The following CSMD1 variants were observed in gnomAD, a reference collection of about 807,000 sequenced individuals.
The protein encoded by CSMD1 is CUB and Sushi multiple domains 1.
CSMD1 carries 213 observed loss-of-function variants against 417.5 expected under a neutral mutation model. That is an observed-to-expected ratio of 0.51 (90% confidence interval 0.46 to 0.57). CSMD1 has a LOEUF of 0.57. Ranked by LOEUF, CSMD1 falls within the 20% of genes least tolerant of loss-of-function variation. CSMD1 has a pLI of 0.00. For missense variants in CSMD1, 6,923 were observed against 4,529.7 expected, an observed-to-expected ratio of 1.53 and a Z score of -15.17; for synonymous variants, 2,862 against 1,736.8, an observed-to-expected ratio of 1.65 and a Z score of -16.11.
chr8:3,421,387 A>G (rs370972429), intron 12 of CSMD1, among the ~76,000 whole-genome samples: 13 of 152,244 alleles, frequency 8.5e-5, no homozygotes, highest in African/African-American at 3.1e-4. Context: ...GGAATGACCA[A>G]ATGCAAATGA....
At chr8:4,252,279 T>C (rs1057292594) in intron 3 of CSMD1, among the ~76,000 whole-genome samples, 5 of 152,180 alleles carry the variant, frequency 3.3e-5, no homozygotes, top group Admixed American at 6.5e-5. Context: ...TTCCTGTGAG[T>C]TGTCTTCTGT....
intron 3 of CSMD1, among the ~76,000 whole-genome samples, chr8:4,150,999 A>T (rs1796545215): frequency 6.6e-6 from 1 of 152,164 alleles, no homozygotes; most frequent in Non-Finnish European, 1.5e-5. Context: ...ATTTTGGAGA[A>T]ATGATGCAAG....
At chr8:3,249,342 C>A (rs1299528971) in intron 26 of CSMD1, among the ~76,000 whole-genome samples, 2 of 152,118 alleles carry the variant, frequency 1.3e-5, no homozygotes, top group East Asian at 1.9e-4. Context: ...AATGCCTCAG[C>A]CACCCGAGGA....
At chr8:3,354,059 A>C (rs1808583028) in intron 21 of CSMD1, among the ~76,000 whole-genome samples, 3 of 152,196 alleles carry the variant, frequency 2.0e-5, no homozygotes, top group Non-Finnish European at 4.4e-5. Flanking sequence ...CATTAACCAA[A>C]ATGTCTGTAT....
At chr8:3,292,203 A>C (rs200135258) in intron 25 of CSMD1, among the ~76,000 whole-genome samples, 2 of 152,096 alleles carry the variant, frequency 1.3e-5, no homozygotes, top group Non-Finnish European at 2.9e-5. Context: ...AGTTTGTTGT[A>C]ATTTCTGTTC....
chr8:4,282,691 C>G (rs895659132), intron 3 of CSMD1, among the ~76,000 whole-genome samples: 1 of 152,158 alleles, frequency 6.6e-6, no homozygotes, highest in Non-Finnish European at 1.5e-5. Context: ...TTGGCTGTGA[C>G]AGCATCCTAA....
At chr8:2,985,543 G>C (rs1181678051) in intron 54 of CSMD1, among the ~76,000 whole-genome samples, 1 of 152,140 alleles carries the variant, frequency 6.6e-6, no homozygotes, top group East Asian at 1.9e-4. Flanking sequence ...ACAATGCATA[G>C]GCAATATATA....
intron 9 of CSMD1, among the ~76,000 whole-genome samples, chr8:3,583,027 A>G (rs1389766298): frequency 5.3e-5 from 8 of 152,134 alleles, no homozygotes; most frequent in Admixed American, 6.6e-5. Flanking sequence ...GAAGTCTTCA[A>G]AGAGGGCTTA....
chr8:3,916,887 A>C (rs1232519258), intron 5 of CSMD1, among the ~76,000 whole-genome samples: 2 of 148,028 alleles, frequency 1.4e-5, no homozygotes, highest in Non-Finnish European at 3.0e-5. Context: ...CTAGCTGGTC[A>C]TGAAACAGAA....
intron 2 of CSMD1, among the ~76,000 whole-genome samples, chr8:4,536,469 C>G (rs1212176185): frequency 2.0e-5 from 3 of 151,988 alleles, no homozygotes; most frequent in Non-Finnish European, 4.4e-5. Flanking sequence ...TAGGTGCATC[C>G]TTCTTGTACT....
At chr8:3,015,689 T>G (rs1056227510) in intron 52 of CSMD1, among the ~76,000 whole-genome samples, 1 of 151,890 alleles carries the variant, frequency 6.6e-6, no homozygotes, top group African/African-American at 2.4e-5. Context: ...CCCGGCATGG[T>G]CCAGATGAGC....
intron 2 of CSMD1, among the ~76,000 whole-genome samples, chr8:4,571,430 T>G (rs940419638): frequency 1.3e-5 from 2 of 152,196 alleles, no homozygotes; most frequent in South Asian, 2.1e-4. Context: ...AGGTTATCAG[T>G]TTCCATGTAG....
chr8:4,078,941 ATG>A (rs71205415), intron 3 of CSMD1, among the ~76,000 whole-genome samples: 667 of 13,372 alleles, frequency 0.05, 2 homozygotes, highest in Non-Finnish European at 0.061. Context: ...ATATATATAT[ATG>A]TATGTTGAAA....
chr8:4,717,324 T>C (rs1327931496), intron 1 of CSMD1, among the ~76,000 whole-genome samples: 2 of 147,396 alleles, frequency 1.4e-5, no homozygotes, highest in Non-Finnish European at 3.0e-5. Context: ...TATATATATA[T>C]ATACACACAC....
intron 1 of CSMD1, among the ~76,000 whole-genome samples, chr8:4,667,825 T>C (rs2130937892): frequency 6.6e-6 from 1 of 152,316 alleles, no homozygotes; most frequent in Middle Eastern, 3.4e-3. Flanking sequence ...ATTTTATCCT[T>C]CCAATTTGTA....
intron 10 of CSMD1, among the ~76,000 whole-genome samples, chr8:3,541,820 G>T (rs28505187): frequency 0.12 from 18,620 of 151,476 alleles, 1,325 homozygotes; most frequent in East Asian, 0.19. Context: ...GGGCATGATG[G>T]CTTGCACCTG....
At chr8:4,432,716 C>A (rs967552130) in intron 2 of CSMD1, among the ~76,000 whole-genome samples, 1 of 152,286 alleles carries the variant, frequency 6.6e-6, no homozygotes, top group East Asian at 1.9e-4. Flanking sequence ...GTGCTTTTAA[C>A]TCCTGAAAGT....
intron 5 of CSMD1, among the ~76,000 whole-genome samples, chr8:3,980,648 T>C (rs2130176234): frequency 6.6e-6 from 1 of 152,338 alleles, no homozygotes; most frequent in African/African-American, 2.4e-5. Flanking sequence ...CTTTTCTGTA[T>C]CAAATGAAAA....
intron 3 of CSMD1, among the ~76,000 whole-genome samples, chr8:4,312,503 A>C (rs1449890772): frequency 1.3e-5 from 2 of 149,872 alleles, no homozygotes; most frequent in African/African-American, 4.9e-5. Flanking sequence ...CTATGTTTCC[A>C]GTTTTATTAT....
Sources: gnomAD v4.1 joint callset for allele counts (sites outside exome capture counted in the v4.1 genomes callset) on GRCh38, gnomAD v4.1.1 for gene constraint, MANE v1.5 for transcripts, NCBI Gene and HGNC (gene_info 2026-07-23, HGNC 2026-07-21) for gene names.